The following NLGN1 variants were observed in gnomAD, a reference collection of about 807,000 sequenced individuals.
NLGN1 encodes the protein neuroligin-1.
A neutral mutation model predicts 65.5 loss-of-function variants in NLGN1; 12 were observed. That is an observed-to-expected ratio of 0.18 (90% CI 0.12 to 0.30). The LOEUF (loss-of-function observed/expected upper bound fraction) is 0.30, where lower values mean the gene tolerates loss of function less well. Ranked by LOEUF, NLGN1 falls within the 10% of genes least tolerant of loss-of-function variation. The pLI is 1.00. For missense variants in NLGN1, 750 were observed against 1,007.1 expected (o/e 0.74, Z 3.46); for synonymous variants, 350 against 359.5 (o/e 0.97, Z 0.30).
At chr3:174,132,829 C>T (rs545489709) in intron 4 of NLGN1, among the ~76,000 whole-genome samples, 6 of 152,242 alleles carry the variant, frequency 3.9e-5, no homozygotes, top group East Asian at 1.9e-4. Context: ...AAAGGGCATC[C>T]GAATTAAAAG....
intron 4 of NLGN1, among the ~76,000 whole-genome samples, chr3:174,094,709 A>G (rs2152567386): frequency 6.6e-6 from 1 of 151,044 alleles, no homozygotes; most frequent in Admixed American, 6.7e-5. Context: ...TCTAGAACAA[A>G]CAAATTGCTT....
At chr3:173,441,757 A>G (rs2148798729) in intron 2 of NLGN1, among the ~76,000 whole-genome samples, 1 of 152,302 alleles carries the variant, frequency 6.6e-6, no homozygotes, top group Non-Finnish European at 1.5e-5. Context: ...CAAAGTGAGC[A>G]CATGCTGTTG....
At chr3:173,982,583 G>T (rs1301930954) in intron 4 of NLGN1, among the ~76,000 whole-genome samples, 1 of 152,090 alleles carries the variant, frequency 6.6e-6, no homozygotes, top group Non-Finnish European at 1.5e-5. Context: ...AAGGATTATT[G>T]ATCATTCTGG....
intron 2 of NLGN1, among the ~76,000 whole-genome samples, chr3:173,517,522 A>G (rs753736375): frequency 2.0e-5 from 3 of 152,018 alleles, no homozygotes; most frequent in African/African-American, 4.8e-5. Context: ...TAATATATAT[A>G]TATTTCACTA....
At chr3:173,509,410 C>T (rs983423264) in intron 2 of NLGN1, among the ~76,000 whole-genome samples, 4 of 151,448 alleles carry the variant, frequency 2.6e-5, no homozygotes, top group Admixed American at 1.3e-4. Flanking sequence ...GTATTTAGTT[C>T]GTGACCTGCC....
rs115537810 is a variant in NLGN1 at position 173,844,183 on chromosome 3, C to T, written c.646+36351C>T. The stretch of plus-strand genomic sequence containing the variant: ...ACCCCCATAATTCAATAACCTCCCA[C>T]GGGGTCCCTCCCACACCACATGGGG... On this transcript the variant is annotated intron_variant, in intron 4 of 6. Transcript: ENST00000457714. 4.2e-3 allele frequency among the ~76,000 whole-genome samples: 640 copies of T among 152,260 alleles called. 3 individuals carry two copies. Among genetic ancestry groups the T allele is most frequent in the Non-Finnish European group, 6.5e-3 (439 of 68,022 alleles).
At chr3:174,128,122 C>T (rs1719352225) in intron 4 of NLGN1, among the ~76,000 whole-genome samples, 1 of 152,044 alleles carries the variant, frequency 6.6e-6, no homozygotes, top group Non-Finnish European at 1.5e-5. Context: ...CCTAATTTTC[C>T]AATACATAAG....
At chr3:173,811,241 A>G (rs1359407059) in intron 4 of NLGN1, among the ~76,000 whole-genome samples, 2 of 152,056 alleles carry the variant, frequency 1.3e-5, no homozygotes, top group African/African-American at 4.8e-5. Flanking sequence ...TAAACATTCT[A>G]TTGTATGGTT....
chr3:173,970,915 A>G (rs940230616), intron 4 of NLGN1, among the ~76,000 whole-genome samples: 2 of 152,150 alleles, frequency 1.3e-5, no homozygotes, highest in Non-Finnish European at 2.9e-5. Flanking sequence ...CTAGAAATAT[A>G]GGAAGAAGAA....
intron 2 of NLGN1, among the ~76,000 whole-genome samples, chr3:173,449,740 G>T (rs1401583790): frequency 6.6e-6 from 1 of 152,182 alleles, no homozygotes; most frequent in Non-Finnish European, 1.5e-5. Context: ...ATGAATCTGG[G>T]TGCTGCTGTA....
intron 3 of NLGN1, among the ~76,000 whole-genome samples, chr3:173,705,603 A>G (rs548413269): frequency 6.6e-6 from 1 of 152,282 alleles, no homozygotes; most frequent in East Asian, 1.9e-4. Flanking sequence ...ATTCCTTTTT[A>G]TGGAAAAGAG....
intron 3 of NLGN1, among the ~76,000 whole-genome samples, chr3:173,799,889 G>T (rs1267468544): frequency 6.6e-6 from 1 of 151,614 alleles, no homozygotes; most frequent in Non-Finnish European, 1.5e-5. Context: ...TCAAATTAAA[G>T]AATGAATTTG....
At chr3:173,731,527 A>G (rs1772840228) in intron 3 of NLGN1, among the ~76,000 whole-genome samples, 1 of 152,090 alleles carries the variant, frequency 6.6e-6, no homozygotes, top group African/African-American at 2.4e-5. Flanking sequence ...GATGAAATAA[A>G]TATGTGATAA....
chr3:173,473,678 G>T (rs1003129791), intron 2 of NLGN1, among the ~76,000 whole-genome samples: 4 of 152,042 alleles, frequency 2.6e-5, no homozygotes, highest in African/African-American at 4.8e-5. Context: ...TGAAAATATT[G>T]TATAATAAAA....
chr3:173,958,537 T>A (rs2152342565), intron 4 of NLGN1, among the ~76,000 whole-genome samples: 1 of 152,190 alleles, frequency 6.6e-6, no homozygotes, highest in Admixed American at 6.5e-5. Flanking sequence ...TCCCATTTTC[T>A]CCTTGAATCT....
chr3:174,032,811 C>T (rs544115155), intron 4 of NLGN1, among the ~76,000 whole-genome samples: 1 of 152,196 alleles, frequency 6.6e-6, no homozygotes, highest in Non-Finnish European at 1.5e-5. Context: ...AGAGGCTTAT[C>T]CCAGTGGAGG....
chr3:173,883,199 C>T (rs1733667004), intron 4 of NLGN1, among the ~76,000 whole-genome samples: 1 of 152,008 alleles, frequency 6.6e-6, no homozygotes, highest in Middle Eastern at 3.2e-3. Flanking sequence ...CTTCATTCCA[C>T]TTGAACGCTT....
At chr3:174,142,683 C>CA (rs143374945) in intron 4 of NLGN1, among the ~76,000 whole-genome samples, 14,446 of 151,102 alleles carry the variant, frequency 0.096, 1,870 homozygotes, top group African/African-American at 0.28. Flanking sequence ...ATCTAAAAGC[C>CA]AAAAAAAGGG....
chr3:174,200,855 A>C (rs1269455032), intron 4 of NLGN1, among the ~76,000 whole-genome samples: 1 of 152,134 alleles, frequency 6.6e-6, no homozygotes, highest in Non-Finnish European at 1.5e-5. Flanking sequence ...TTCTAATTAC[A>C]TGGAGCAAAA....
Sources: allele counts gnomAD v4.1 joint callset (sites outside exome capture counted in the v4.1 genomes callset), GRCh38; gene constraint gnomAD v4.1.1; transcripts MANE v1.5; gene names NCBI Gene and HGNC (gene_info 2026-07-23, HGNC 2026-07-21).